SMARCC1: variants seen among roughly 807,000 people sequenced by gnomAD.
SMARCC1 encodes SWI/SNF complex subunit SMARCC1.
Under a neutral mutation model 147.4 loss-of-function variants are expected in SMARCC1, and 43 were observed. The observed-to-expected ratio is 0.29, with a 90% CI of 0.23 to 0.38. The LOEUF (loss-of-function observed/expected upper bound fraction) is 0.38, where lower values mean the gene tolerates loss of function less well. SMARCC1 is among the 10% of genes least tolerant of loss of function. The probability of loss-of-function intolerance (pLI) is 1.00; values close to 1 mark genes in which losing one functional copy is unlikely to be tolerated. For missense variants in SMARCC1, 1,119 were observed against 1,381.1 expected, an observed-to-expected ratio of 0.81 and a Z score of 3.01; for synonymous variants, 495 against 484.4, an observed-to-expected ratio of 1.02 and a Z score of -0.29.
chr3:47,696,684 A>G (rs538946070), intron 11 of SMARCC1, among the ~76,000 whole-genome samples: 5 of 151,796 alleles, frequency 3.3e-5, no homozygotes, highest in African/African-American at 1.2e-4. Context: ...ACACCCGGCT[A>G]ATTTTTTTTT....
intron 5 of SMARCC1, among the ~76,000 whole-genome samples, chr3:47,733,856 T>A: frequency 1.0e-5 from 1 of 95,452 alleles, no homozygotes. Context: ...ACAGCGAGAC[T>A]CTGTCTCAAA....
chr3:47,697,703 C>G (rs907267922), intron 11 of SMARCC1, among the ~76,000 whole-genome samples: 1 of 150,842 alleles, frequency 6.6e-6, no homozygotes, highest in Non-Finnish European at 1.5e-5. Flanking sequence ...ATGCTAAGAA[C>G]AGAAAGTTAA....
chr3:47,742,019 CTGTT>C (rs2034515562), intron 3 of SMARCC1, among the ~76,000 whole-genome samples: 1 of 151,944 alleles, frequency 6.6e-6, no homozygotes, highest in East Asian at 1.9e-4. Context: ...CCCCACAAAA[CTGTT>C]TGGTTCTATT....
chr3:47,615,566 C>CT (rs2032629226), intron 25 of SMARCC1, among the ~76,000 whole-genome samples: 1 of 152,196 alleles, frequency 6.6e-6, no homozygotes. Flanking sequence ...TATTTGGTTT[C>CT]TTTGAGTCAA....
At chr3:47,630,402 T>C (rs193110319) in intron 24 of SMARCC1, among the ~76,000 whole-genome samples, 143 of 152,330 alleles carry the variant, frequency 9.4e-4, no homozygotes, top group African/African-American at 3.3e-3. Context: ...TTGTGTGGCC[T>C]AGCTCCTAAC....
intron 24 of SMARCC1, among the ~76,000 whole-genome samples, chr3:47,624,925 G>A (rs2032787296): frequency 6.6e-6 from 1 of 150,998 alleles, no homozygotes; most frequent in Non-Finnish European, 1.5e-5. Flanking sequence ...AGCTGGATGT[G>A]GTGGCACATG....
At chr3:47,776,246 G>T (rs1448445541) in intron 1 of SMARCC1, among the ~76,000 whole-genome samples, 1 of 152,188 alleles carries the variant, frequency 6.6e-6, no homozygotes, top group African/African-American at 2.4e-5. Flanking sequence ...AATAAGCACA[G>T]GTTTCCTAAA....
At chr3:47,620,589 G>A (rs2032715950) in intron 25 of SMARCC1, among the ~76,000 whole-genome samples, 1 of 151,594 alleles carries the variant, frequency 6.6e-6, no homozygotes, top group African/African-American at 2.4e-5. Flanking sequence ...TACTTTTTAT[G>A]ACTTCCACTC....
intron 12 of SMARCC1, 86 bp from the exon 13 acceptor site, chr3:47,689,510 A>G (rs1178347499): frequency 4.5e-6 from 5 of 1,099,222 alleles, no homozygotes; most frequent in Non-Finnish European, 7.0e-6. Flanking sequence ...AAGAACTGAT[A>G]CTGGACAGAG....
intron 18 of SMARCC1, among the ~76,000 whole-genome samples, chr3:47,674,220 C>T (rs2033540395): frequency 6.6e-6 from 1 of 152,218 alleles, no homozygotes; most frequent in South Asian, 2.1e-4. Flanking sequence ...TATTTAACCA[C>T]ACAGATTACC....
chr3:47,712,456 TTAAC>T (rs2034097702), intron 8 of SMARCC1, among the ~76,000 whole-genome samples: 1 of 152,134 alleles, frequency 6.6e-6, no homozygotes, highest in Non-Finnish European at 1.5e-5. Flanking sequence ...TGATAATCCT[TTAAC>T]TACTGAGAAA....
intron 26 of SMARCC1, among the ~76,000 whole-genome samples, chr3:47,609,306 C>A (rs1332957087): frequency 6.6e-6 from 1 of 152,032 alleles, no homozygotes; most frequent in Non-Finnish European, 1.5e-5. Context: ...ACCATCCTGG[C>A]GAACACGGTG....
chr3:47,638,846 C>T (rs2033009739), intron 21 of SMARCC1, 66 bp from the exon 22 acceptor site: 2 of 1,059,778 alleles, frequency 1.9e-6, no homozygotes, highest in Admixed American at 1.7e-5. Flanking sequence ...TATTATACAG[C>T]TGTGAGAGTG....
At chr3:47,621,722 C>A (rs1275679196) in intron 25 of SMARCC1, among the ~76,000 whole-genome samples, 1 of 151,436 alleles carries the variant, frequency 6.6e-6, no homozygotes, top group African/African-American at 2.4e-5. Context: ...ATTTGGGTGA[C>A]AGCTTCAATA....
chr3:47,686,013 C>T (rs768580486), intron 14 of SMARCC1, 36 bp downstream of exon 14: 1 of 1,603,426 alleles, frequency 6.2e-7, no homozygotes. Context: ...TTGTACTGCT[C>T]AGTACCATGC....
intron 19 of SMARCC1, among the ~76,000 whole-genome samples, chr3:47,667,100 G>A (rs1231666199): frequency 4.6e-5 from 7 of 152,110 alleles, no homozygotes; most frequent in South Asian, 2.1e-4. Context: ...GGCCGATCAC[G>A]AGGTCAGGAG....
At chr3:47,622,486 C>T (rs2032748893) in intron 24 of SMARCC1, 145 bp from the exon 25 acceptor site, 2 of 768,956 alleles carry the variant, frequency 2.6e-6, no homozygotes, top group Admixed American at 5.6e-5. Context: ...TCTAAAATAA[C>T]TGTCTCTGAA....
chr3:47,773,221 G>A (rs1301193583), intron 1 of SMARCC1, among the ~76,000 whole-genome samples: 3 of 151,644 alleles, frequency 2.0e-5, no homozygotes, highest in Non-Finnish European at 2.9e-5. Context: ...TCTGCCTCCC[G>A]GGTTCAAGTC....
chr3:47,593,025 CTA>C (rs1244086578), intron 26 of SMARCC1, among the ~76,000 whole-genome samples: 1 of 151,702 alleles, frequency 6.6e-6, no homozygotes, highest in Non-Finnish European at 1.5e-5. Context: ...CGGGGTTTCA[CTA>C]TGTTGGCCAA....
Sources: allele counts gnomAD v4.1 joint callset (sites outside exome capture counted in the v4.1 genomes callset), GRCh38; gene constraint gnomAD v4.1.1; transcripts MANE v1.5; gene names NCBI Gene and HGNC (gene_info 2026-07-23, HGNC 2026-07-21).